The following TMEM11 variants were observed in gnomAD, a reference collection of about 807,000 sequenced individuals.
TMEM11 encodes the protein transmembrane protein 11, mitochondrial.
A neutral mutation model predicts 17.0 loss-of-function variants in TMEM11; 1 was observed. The ratio of observed to expected loss-of-function variants is 0.06; its 90% confidence interval spans 0.02 to 0.28. TMEM11 has a LOEUF of 0.28. TMEM11 is among the 10% of genes least tolerant of loss of function. The pLI, the probability that TMEM11 is intolerant of heterozygous loss-of-function variation, is 1.00. For missense variants in TMEM11, 172 were observed against 252.9 expected, an observed-to-expected ratio of 0.68 and a Z score of 2.17; for synonymous variants, 122 against 118.1, an observed-to-expected ratio of 1.03 and a Z score of -0.21.
Position 21,198,472 on chromosome 17 carries a change from G to A in TMEM11, c.431C>T (p.Ser144Leu), listed in dbSNP as rs982399201. 6 of 1,614,204 alleles carry A rather than the reference G, an allele frequency of 3.7e-6. No homozygotes were observed. The highest frequency in any genetic ancestry group is 1.7e-5 in the Admixed American group (1 of 60,022). ...GGTGAGTGTGTGCAGAGGCAGGCGC[G>A]ACAGTTTATAGGCGTCGTACTCCAC... ...YQVEYDAYKL[S>L]RLPLHTLTSS... The change falls in exon 2 of 2, where the codon TCG becomes TTG. Residue 144 changes from serine to leucine, a missense_variant. By Grantham distance (145) the Ser-to-Leu change is moderately radical. This residue lies in a region of TMEM11 where 123 missense variants were observed against 213.6 expected (regional missense o/e 0.58). Coordinates refer to ENST00000317635, the MANE Select transcript of TMEM11 (RefSeq NM_003876.3). The surrounding 1 kb of genome is among the most constrained non-coding windows in gnomAD (Gnocchi z 6.5).
chr17:21,210,130 C>T (rs1303595043), intron 1 of TMEM11, among the ~76,000 whole-genome samples: 1 of 152,230 alleles, frequency 6.6e-6, no homozygotes, highest in East Asian at 1.9e-4. Context: ...AGGCGCAGCC[C>T]TCCCCTCTTC....
At chr17:21,201,275 C>T (rs754140782) in intron 1 of TMEM11, among the ~76,000 whole-genome samples, 5 of 152,202 alleles carry the variant, frequency 3.3e-5, no homozygotes, top group Admixed American at 2.6e-4. Context: ...CTTGGGCAAA[C>T]GGAACTCTTT....
intron 1 of TMEM11, 102 bp downstream of exon 1, chr17:21,213,989 G>A: frequency 8.7e-7 from 1 of 1,145,766 alleles, no homozygotes; most frequent in South Asian, 1.5e-5. Flanking sequence ...GGGGAGCGCG[G>A]GGAAACCAGG....
intron 1 of TMEM11, among the ~76,000 whole-genome samples, chr17:21,202,933 C>T (rs1041237328): frequency 2.0e-5 from 3 of 152,250 alleles, no homozygotes; most frequent in Admixed American, 6.5e-5. Flanking sequence ...CCTGCAGCCT[C>T]GGCGTCTTCA....
At chr17:21,208,364 T>C (rs1974967377) in intron 1 of TMEM11, 1 of 151,994 alleles carries the variant, frequency 6.6e-6, no homozygotes, top group African/African-American at 2.4e-5. Flanking sequence ...TTCAACCCTA[T>C]ATCCCTTGAG....
intron 1 of TMEM11, among the ~76,000 whole-genome samples, chr17:21,212,475 T>A (rs1975013551): frequency 6.6e-6 from 1 of 152,152 alleles, no homozygotes; most frequent in South Asian, 2.1e-4. Flanking sequence ...TCAGGGAGCG[T>A]TTTATATGAA....
intron 1 of TMEM11, among the ~76,000 whole-genome samples, chr17:21,199,049 T>C (rs1224542): frequency 0.98 from 148,760 of 152,076 alleles, 72,808 homozygotes; most frequent in East Asian, 1. Context: ...AAGCTGGGTG[T>C]GGTGGCTCAC....
intron 1 of TMEM11, chr17:21,210,950 G>A (rs1182438279): frequency 1.0e-5 from 13 of 1,284,028 alleles, no homozygotes; most frequent in Non-Finnish European, 1.1e-5. Context: ...CAACAATCAC[G>A]GAGGGCTCTG....
At chr17:21,209,420 A>G (rs1454700111) in intron 1 of TMEM11, among the ~76,000 whole-genome samples, 2 of 152,210 alleles carry the variant, frequency 1.3e-5, no homozygotes, top group African/African-American at 4.8e-5. Context: ...CCCTCTGCCT[A>G]AGACACATGT....
chr17:21,199,538 T>TA (rs1482621651), intron 1 of TMEM11, among the ~76,000 whole-genome samples: 1 of 152,112 alleles, frequency 6.6e-6, no homozygotes, highest in Non-Finnish European at 1.5e-5. Context: ...CATTCTTAGT[T>TA]AATCAGGGCA....
intron 1 of TMEM11, among the ~76,000 whole-genome samples, chr17:21,202,714 C>T (rs911682379): frequency 4.6e-5 from 7 of 152,208 alleles, no homozygotes; most frequent in African/African-American, 9.6e-5. Flanking sequence ...CTCCAGGCTC[C>T]CTCCCACCTC....
chr17:21,204,303 A>T (rs1023455674), intron 1 of TMEM11, among the ~76,000 whole-genome samples: 12 of 151,716 alleles, frequency 7.9e-5, no homozygotes, highest in Middle Eastern at 3.4e-3. Context: ...GTTTGGTGGC[A>T]CGTGCCTGTA....
At chr17:21,214,017 G>T in intron 1 of TMEM11, 74 bp downstream of exon 1, 1 of 1,405,278 alleles carries the variant, frequency 7.1e-7, no homozygotes, top group Non-Finnish European at 9.7e-7. Flanking sequence ...GGCTGCTGCA[G>T]CCCTCGGAGG....
chr17:21,199,980 A>G (rs1349216432), intron 1 of TMEM11, among the ~76,000 whole-genome samples: 2 of 152,214 alleles, frequency 1.3e-5, no homozygotes, highest in African/African-American at 4.8e-5. Flanking sequence ...AGGCCCCTGC[A>G]CCACCGGCAA....
intron 1 of TMEM11, among the ~76,000 whole-genome samples, chr17:21,205,555 C>T (rs1310580821): frequency 3.3e-5 from 5 of 152,038 alleles, no homozygotes; most frequent in South Asian, 2.1e-4. Flanking sequence ...GTAAAATACA[C>T]GTAAAATATA....
Position 21,198,090 on chromosome 17 carries a change from G to A in TMEM11, c.*234C>T. On this transcript the variant is annotated 3_prime_UTR_variant, in exon 2 of 2. Transcript: ENST00000317635. The surrounding 1 kb of genome is among the most constrained non-coding windows in gnomAD (Gnocchi z 6.5). ...CGTCTGCCTCCATCAGCATTCCACT[G>A]CCCAGTCGGACTTCCACAGCCTCAG... The A allele has an allele frequency of 1.8e-6, 1 of 542,896 alleles. No individual in the cohort carries two copies. Among genetic ancestry groups the A allele is most frequent in the East Asian group, 3.1e-5 (1 of 31,914 alleles). The allele number at this position is 542,896 out of a possible 1,614,324, so 33.6% of individuals were successfully genotyped here.
At chr17:21,210,957 T>C (rs1974996623) in intron 1 of TMEM11, 1 of 1,288,198 alleles carries the variant, frequency 7.8e-7, no homozygotes, top group Non-Finnish European at 1.0e-6. Context: ...CACGGAGGGC[T>C]CTGGGAGGTT....
chr17:21,198,716 C>G lies in TMEM11; in HGVS notation c.187G>C (p.Glu63Gln). 1 of 1,614,150 alleles carries G rather than the reference C, an allele frequency of 6.2e-7. No homozygotes were observed. Among genetic ancestry groups the G allele is most frequent in the Non-Finnish European group, 8.5e-7 (1 of 1,180,056 alleles). The change falls in exon 2 of 2, where the codon GAG becomes CAG. Residue 63 changes from glutamate (E) to glutamine (Q), a missense_variant. Physicochemically the swap from Glu to Gln is conservative, Grantham distance 29 (BLOSUM62 2). Around this residue, in one of 2 missense-constraint regions of TMEM11, gnomAD observed 123 missense variants for 213.6 expected, o/e 0.58. Coordinates refer to ENST00000317635, the MANE Select transcript of TMEM11 (RefSeq NM_003876.3). The surrounding 1 kb of genome is among the most constrained non-coding windows in gnomAD (Gnocchi z 6.5). ...LEAQYKYIVIEPTRIGDETAR... is the reference protein window; with the variant it reads ...LEAQYKYIVIQPTRIGDETAR... ...GTCTCGTCGCCAATGCGAGTGGGCT[C>G]AATCACAATGTACTTGTACTGGGCT...
Position 21,198,271 on chromosome 17 carries a change from C to A in TMEM11, c.*53G>T. On this transcript the variant is annotated 3_prime_UTR_variant, in exon 2 of 2. Coordinates refer to ENST00000317635, the MANE Select transcript of TMEM11 (RefSeq NM_003876.3). The surrounding 1 kb of genome is among the most constrained non-coding windows in gnomAD (Gnocchi z 6.5). Reference sequence around the variant, plus strand: ...CACAGAGTGTGGCGATCTGAATACTCTGTTGTCTCTTGTGGGCCGGGTGGT... The same window carrying A: ...CACAGAGTGTGGCGATCTGAATACTATGTTGTCTCTTGTGGGCCGGGTGGT... 6.4e-7 allele frequency: 1 copy of A among 1,568,118 alleles called. No individual in the cohort carries two copies.
Sources: gnomAD v4.1 joint callset for allele counts (sites outside exome capture counted in the v4.1 genomes callset) on GRCh38, gnomAD v4.1.1 for gene constraint, gnomAD v4.1.1 regional missense constraint, Gnocchi (gnomAD v3.1) non-coding constraint, MANE v1.5 for transcripts, NCBI Gene and HGNC (gene_info 2026-07-23, HGNC 2026-07-21) for gene names.